The following KAT2B variants were observed in gnomAD, a reference collection of about 807,000 sequenced individuals.
KAT2B encodes the protein histone acetyltransferase KAT2B.
A neutral mutation model predicts 105.9 loss-of-function variants in KAT2B; 36 were observed. The ratio of observed to expected loss-of-function variants is 0.34; its 90% CI spans 0.26 to 0.45. The LOEUF (loss-of-function observed/expected upper bound fraction) is 0.45. Ranked by LOEUF, KAT2B falls within the 20% of genes least tolerant of loss-of-function variation. The pLI is 1.00. For missense variants in KAT2B, 820 were observed against 1,021.6 expected (o/e 0.80, Z 2.69); for synonymous variants, 397 against 377.9 (o/e 1.05, Z -0.59).
intron 2 of KAT2B, among the ~76,000 whole-genome samples, chr3:20,074,597 C>G (rs564718901): frequency 6.6e-6 from 1 of 152,278 alleles, no homozygotes; most frequent in East Asian, 1.9e-4. Flanking sequence ...CTTCACACAG[C>G]AGATATATAC....
chr3:20,072,568 A>T, intron 2 of KAT2B, 109 bp downstream of exon 2: 1 of 1,009,466 alleles, frequency 9.9e-7, no homozygotes, highest in Non-Finnish European at 1.5e-6. Context: ...GTACCTCTGT[A>T]TGAGAGCAAC....
At chr3:20,051,105 C>CATGAGGA (rs1263779424) in intron 1 of KAT2B, among the ~76,000 whole-genome samples, 3 of 149,470 alleles carry the variant, frequency 2.0e-5, no homozygotes, top group Admixed American at 6.8e-5. Flanking sequence ...GAGGCTGAGG[C>CATGAGGA]ATGAGGATGG....
intron 12 of KAT2B, 49 bp from the exon 13 acceptor site, chr3:20,140,172 A>G: frequency 8.5e-7 from 1 of 1,177,254 alleles, no homozygotes; most frequent in Non-Finnish European, 1.3e-6. Context: ...AGCACTCAGT[A>G]GATATTTGGT....
chr3:20,115,894 C>T (rs955123577), intron 7 of KAT2B, among the ~76,000 whole-genome samples: 4 of 152,242 alleles, frequency 2.6e-5, no homozygotes, highest in Admixed American at 6.5e-5. Context: ...AGACTGATAA[C>T]TTTAATTCAG....
In KAT2B at chr3:20,095,111, C is replaced by G. The variant is rs1698785860; in HGVS notation, c.431-152C>G. ...ATAGGTAGATTTTGTGAGAAGACTT[C>G]AGTCCTACAGGAGTTCAGAAATTTT... is the stretch of plus-strand genomic sequence containing the variant. On this transcript the variant is annotated intron_variant, in intron 2 of 17. Coordinates refer to ENST00000263754, the MANE Select transcript of KAT2B (RefSeq NM_003884.5). The G allele has an allele frequency of 5.2e-6, 3 of 575,598 alleles. No individual in the cohort carries two copies. The African/African-American group carries it at 5.7e-5, about 11-fold the overall frequency. The allele number at this position is 575,598 out of a possible 1,614,324, so 35.7% of individuals were successfully genotyped here. A position where few individuals can be genotyped will look rare whatever the true frequency, so the allele number is the denominator to read the frequency against.
intron 2 of KAT2B, among the ~76,000 whole-genome samples, chr3:20,088,917 T>C (rs922773778): frequency 1.3e-5 from 2 of 152,206 alleles, no homozygotes; most frequent in Non-Finnish European, 2.9e-5. Context: ...GGTTTTTGTA[T>C]ATGGTATGAG....
chr3:20,067,667 A>T (rs1698246014), intron 1 of KAT2B, among the ~76,000 whole-genome samples: 2 of 151,828 alleles, frequency 1.3e-5, no homozygotes, highest in South Asian at 4.2e-4. Context: ...TTCTTTATTT[A>T]TTTTTTTATA....
intron 2 of KAT2B, among the ~76,000 whole-genome samples, chr3:20,073,582 C>A (rs921351780): frequency 6.6e-6 from 1 of 152,184 alleles, no homozygotes; most frequent in Non-Finnish European, 1.5e-5. Context: ...AAAAGCAACA[C>A]ACTAATAATT....
chr3:20,148,179 G>A (rs369149916), intron 15 of KAT2B, 64 bp from the exon 16 acceptor site: 3 of 1,430,750 alleles, frequency 2.1e-6, no homozygotes, highest in Non-Finnish European at 2.9e-6. Context: ...GAGCTGAATA[G>A]TAATCAGCTG....
intron 1 of KAT2B, among the ~76,000 whole-genome samples, chr3:20,052,797 A>G (rs1235427548): frequency 1.3e-5 from 2 of 152,104 alleles, no homozygotes; most frequent in Non-Finnish European, 2.9e-5. Context: ...GTGAAACCCC[A>G]TGTCTACTAA....
chr3:20,067,020 G>A (rs1288701015), intron 1 of KAT2B, among the ~76,000 whole-genome samples: 2 of 152,084 alleles, frequency 1.3e-5, no homozygotes, highest in African/African-American at 2.4e-5. Context: ...GGAGTGCTGC[G>A]GGGCTGACAA....
Position 20,101,418 on chromosome 3 carries a change from A to C in KAT2B, c.801A>C (p.Arg267Ser). 6.2e-7 allele frequency: 1 copy of C among 1,614,122 alleles called. No homozygotes were observed. The highest frequency in any genetic ancestry group is 8.5e-7 in the Non-Finnish European group (1 of 1,179,960). Residue 267 changes from arginine (R) to serine (S), a missense_variant, in exon 5 of 18, where the codon AGA becomes AGC. Coordinates refer to ENST00000263754, the MANE Select transcript of KAT2B (RefSeq NM_003884.5). ...YWHLEAPSQR[R>S]LRSPNDDISG... ...ATCTGGAGGCACCATCTCAACGAAG[A>C]CTGCGATCTCCCAATGATGATATTT...
intron 1 of KAT2B, 69 bp from the exon 2 acceptor site, chr3:20,072,264 C>G: frequency 6.7e-7 from 1 of 1,493,310 alleles, no homozygotes; most frequent in Non-Finnish European, 9.3e-7. Context: ...GTACATTGTT[C>G]TCATGTAAAA....
chr3:20,093,410 G>T (rs1398134602), intron 2 of KAT2B, among the ~76,000 whole-genome samples: 1 of 152,160 alleles, frequency 6.6e-6, no homozygotes, highest in Admixed American at 6.5e-5. Context: ...GCTCTTGAGG[G>T]TATATAGGTG....
chr3:20,055,300 G>A (rs1450201579), intron 1 of KAT2B, among the ~76,000 whole-genome samples: 2 of 152,178 alleles, frequency 1.3e-5, no homozygotes, highest in African/African-American at 4.8e-5. Context: ...GTTATTTAAT[G>A]TGCCAGGTGT....
At chr3:20,125,642 C>T (rs1201592658) in intron 9 of KAT2B, among the ~76,000 whole-genome samples, 2 of 152,128 alleles carry the variant, frequency 1.3e-5, no homozygotes, top group Non-Finnish European at 2.9e-5. Context: ...TTTGCTGGCC[C>T]CTAATCTACA....
chr3:20,137,036 G>A lies in KAT2B; in HGVS notation c.1844G>A (p.Gly615Glu). 1 of 1,571,786 alleles carries A rather than the reference G, an allele frequency of 6.4e-7. No homozygotes were observed. The highest frequency in any genetic ancestry group is 1.1e-5 in the South Asian group (1 of 90,194). ...FLTYADEYAI[G>E]YFKKQGFSKE... ...ACATATGCAGATGAATATGCAATTGGATACTTTAAGAAACAGGTTGGTTTC... is the reference window on the plus strand; with the variant it reads ...ACATATGCAGATGAATATGCAATTGAATACTTTAAGAAACAGGTTGGTTTC... Residue 615 changes from glycine to glutamate, a missense_variant, in exon 12 of 18, where the codon GGA becomes GAA. Coordinates refer to ENST00000263754, the MANE Select transcript of KAT2B (RefSeq NM_003884.5).
chr3:20,072,310 C>G, intron 1 of KAT2B, 23 bp from the exon 2 acceptor site: 2 of 1,611,848 alleles, frequency 1.2e-6, no homozygotes, highest in Non-Finnish European at 1.7e-6. Context: ...ATAATTTTGT[C>G]TCTTTCTTTA....
intron 10 of KAT2B, 80 bp from the exon 11 acceptor site, chr3:20,127,343 T>C: frequency 8.0e-7 from 1 of 1,243,412 alleles, no homozygotes; most frequent in Non-Finnish European, 1.2e-6. Context: ...TCTTTCTTAG[T>C]TGGTTAATAA....
Sources: gnomAD v4.1 joint callset for allele counts (sites outside exome capture counted in the v4.1 genomes callset) on GRCh38, gnomAD v4.1.1 for gene constraint, MANE v1.5 for transcripts, NCBI Gene and HGNC (gene_info 2026-07-23, HGNC 2026-07-21) for gene names.